FRMD1: variants seen among roughly 807,000 people sequenced by gnomAD.
The protein encoded by FRMD1 is FERM domain containing 1.
FRMD1 carries 51 observed loss-of-function variants against 54.9 expected under a neutral mutation model. The ratio of observed to expected loss-of-function variants is 0.93; its 90% CI spans 0.74 to 1.17. The LOEUF is 1.17. FRMD1 is among the 50% of genes most tolerant of loss of function. The pLI is 0.00. For synonymous variants in FRMD1, 324 were observed against 306.4 expected, an observed-to-expected ratio of 1.06 and a Z score of -0.60; for missense variants, 729 against 743.0, an observed-to-expected ratio of 0.98 and a Z score of 0.22.
intron 1 of FRMD1, among the ~76,000 whole-genome samples, chr6:168,077,759 G>C (rs547232982): frequency 3.9e-5 from 6 of 152,332 alleles, no homozygotes; most frequent in Admixed American, 1.3e-4. Context: ...AAACCTAAAA[G>C]TTCCAGCTCT....
Position 168,061,061 on chromosome 6 carries a change from T to TGGGGAGTGGGGAGCACAGTGAG in FRMD1, c.1046-26_1046-5dup, listed in dbSNP as rs773177965. 2.5e-6 allele frequency: 4 copies of TGGGGAGTGGGGAGCACAGTGAG among 1,603,304 alleles called. No individual in the cohort carries two copies. The highest frequency in any genetic ancestry group is 3.4e-6 in the Non-Finnish European group (4 of 1,173,098). On this transcript the variant is annotated splice_region_variant and splice_polypyrimidine_tract_variant and intron_variant, in intron 8 of 10. Transcript: ENST00000283309. ...GACTCCCGGTAGTGCTGCTTCTCTGTGGGGAGTGGGGAGCACAGTGAGGGC... is the reference window on the plus strand; with the variant it reads ...GACTCCCGGTAGTGCTGCTTCTCTGTGGGGAGTGGGGAGCACAGTGAGGGGGAGTGGGGAGCACAGTGAGGGC...
upstream of FRMD1, chr6:168,081,548 T>C (rs1425385257): frequency 2.0e-6 from 3 of 1,502,282 alleles, no homozygotes; most frequent in Non-Finnish European, 2.7e-6. Context: ...TCCTCTATCA[T>C]GAGATAGATA....
At chr6:168,090,481 C>T (rs1370271572) in intron 1 of FRMD1, among the ~76,000 whole-genome samples, 1 of 152,182 alleles carries the variant, frequency 6.6e-6, no homozygotes, top group African/African-American at 2.4e-5. Flanking sequence ...GTCTGAGGAG[C>T]TCTTTCCCAG....
upstream of FRMD1, among the ~76,000 whole-genome samples, chr6:168,083,549 A>T (rs1800872820): frequency 6.6e-6 from 1 of 152,236 alleles, no homozygotes; most frequent in Admixed American, 6.5e-5. Flanking sequence ...GATGACGGAG[A>T]AGTCTGCCTG....
upstream of FRMD1, among the ~76,000 whole-genome samples, chr6:168,084,725 G>C (rs1183062879): frequency 1.3e-5 from 2 of 152,226 alleles, no homozygotes; most frequent in Non-Finnish European, 2.9e-5. Flanking sequence ...GAATTTTGTA[G>C]GGAAAAAGCC....
At chr6:168,078,017 C>T (rs554347960) in intron 1 of FRMD1, among the ~76,000 whole-genome samples, 1 of 152,310 alleles carries the variant, frequency 6.6e-6, no homozygotes, top group South Asian at 2.1e-4. Flanking sequence ...CCCAGATTCC[C>T]AGGGGACTTG....
At chr6:168,078,365 C>G (rs1437422565) in intron 1 of FRMD1, among the ~76,000 whole-genome samples, 1 of 152,134 alleles carries the variant, frequency 6.6e-6, no homozygotes, top group Non-Finnish European at 1.5e-5. Context: ...GAACCATAAA[C>G]TTATTTCTCA....
At chr6:168,088,846 C>T (rs1308372585) in intron 1 of FRMD1, among the ~76,000 whole-genome samples, 1 of 152,050 alleles carries the variant, frequency 6.6e-6, no homozygotes. Flanking sequence ...ACCAGGTGTC[C>T]GTGTGACCCA....
chr6:168,090,594 C>T (rs948866291), intron 1 of FRMD1, among the ~76,000 whole-genome samples: 3 of 152,172 alleles, frequency 2.0e-5, no homozygotes, highest in African/African-American at 4.8e-5. Context: ...CTGCATACGG[C>T]GTTTAGAGTA....
intron 2 of FRMD1, among the ~76,000 whole-genome samples, chr6:168,074,030 AG>A (rs1650096342): frequency 6.6e-6 from 1 of 152,088 alleles, no homozygotes; most frequent in South Asian, 2.1e-4. Context: ...AGAGGGGGCC[AG>A]GGCTTGTCTG....
At position 168,075,743 on chromosome 6, in the gene FRMD1, T is replaced by C. The variant is rs762617710; in HGVS notation, c.214-408A>G. ...GCGCGAGCATCGGTGTCTCACATCA[T>C]CCATCGCCCAACTGATGCGAGTGAT... On this transcript the variant is annotated intron_variant, in intron 1 of 10. Coordinates refer to ENST00000283309, the MANE Select transcript of FRMD1 (RefSeq NM_024919.6). The C allele has an allele frequency of 1.2e-5, 19 of 1,547,870 alleles. No homozygotes were observed. In the South Asian group the frequency reaches 2.1e-4, roughly 17 times the overall value.
chr6:168,060,711 C>A (rs770829496), intron 9 of FRMD1, 50 bp downstream of exon 9: 1 of 1,558,342 alleles, frequency 6.4e-7, no homozygotes, highest in South Asian at 1.2e-5. Flanking sequence ...CTGGGGCTGG[C>A]TGGACCACAC....
intron 1 of FRMD1, among the ~76,000 whole-genome samples, chr6:168,087,664 G>A (rs563818617): frequency 3.9e-5 from 6 of 152,350 alleles, no homozygotes; most frequent in East Asian, 1.9e-4. Flanking sequence ...ACGGGCTGGC[G>A]TGTGGAGCAT....
At chr6:168,072,635 C>A (rs899642275) in intron 2 of FRMD1, among the ~76,000 whole-genome samples, 2 of 152,256 alleles carry the variant, frequency 1.3e-5, no homozygotes, top group Non-Finnish European at 2.9e-5. Flanking sequence ...GATGCACAAC[C>A]AAAGCGATGG....
At chr6:168,061,162 T>G (rs898120130) in intron 8 of FRMD1, 105 bp from the exon 9 acceptor site, 2 of 1,158,310 alleles carry the variant, frequency 1.7e-6, no homozygotes, top group Admixed American at 5.1e-5. Context: ...ACAGCCCAGA[T>G]GAGGACGTGG....
upstream of FRMD1, chr6:168,081,596 A>G (rs910348677): frequency 7.6e-7 from 1 of 1,319,304 alleles, no homozygotes; most frequent in Admixed American, 2.7e-5. Flanking sequence ...CAAGCTTCGG[A>G]GCTCTAGGTC....
chr6:168,054,459 G>A lies in FRMD1; in HGVS notation c.*2638C>T, dbSNP rs1799342958. 6.6e-6 allele frequency: 1 copy of A among 152,390 alleles called. No individual in the cohort carries two copies. The highest frequency in any genetic ancestry group is 6.5e-5 in the Admixed American group (1 of 15,282). The allele number at this position is 152,390 out of a possible 1,614,324, so 9.4% of individuals were successfully genotyped here. Reference sequence around the variant, plus strand: ...CTCTCCACTGACAGGGTAAGACAGGGATTGGGGACTTTACCCTGTGCCCCT... The same window carrying A: ...CTCTCCACTGACAGGGTAAGACAGGAATTGGGGACTTTACCCTGTGCCCCT... On this transcript the variant is annotated 3_prime_UTR_variant, in exon 11 of 11. Transcript: ENST00000283309.
upstream of FRMD1, among the ~76,000 whole-genome samples, chr6:168,082,783 C>G (rs1235503977): frequency 6.6e-6 from 1 of 152,188 alleles, no homozygotes; most frequent in Non-Finnish European, 1.5e-5. Flanking sequence ...ATGACTGAGG[C>G]TGGTATCTGG....
chr6:168,057,936 G>T (rs1220996927), intron 10 of FRMD1, among the ~76,000 whole-genome samples: 1 of 152,232 alleles, frequency 6.6e-6, no homozygotes, highest in African/African-American at 2.4e-5. Flanking sequence ...ATTGCCCAGC[G>T]CCAGGGTCTG....
Sources: allele counts gnomAD v4.1 joint callset (sites outside exome capture counted in the v4.1 genomes callset), GRCh38; gene constraint gnomAD v4.1.1; transcripts MANE v1.5; gene names NCBI Gene and HGNC (gene_info 2026-07-23, HGNC 2026-07-21).